The following ADA2 variants were observed in gnomAD, a reference collection of about 807,000 sequenced individuals.
The protein encoded by ADA2 is adenosine deaminase CECR1.
A neutral mutation model predicts 44.2 loss-of-function variants in ADA2; 29 were observed. The ratio of observed to expected loss-of-function variants is 0.66; its 90% confidence interval spans 0.49 to 0.89. ADA2 has a LOEUF of 0.89. Ranked by LOEUF, ADA2 falls within the 40% of genes least tolerant of loss-of-function variation. The pLI is 0.00. For synonymous variants in ADA2, 215 were observed against 234.9 expected (o/e 0.92, Z 0.77); for missense variants, 637 against 644.8 (o/e 0.99, Z 0.13).
chr22:17,186,352 G>A (rs1265213148), intron 7 of ADA2, among the ~76,000 whole-genome samples: 3 of 150,958 alleles, frequency 2.0e-5, no homozygotes, highest in Admixed American at 6.7e-5. Context: ...AGGCCAAGGC[G>A]GGTGGATTGT....
At chr22:17,191,900 A>G (rs2062120601) in intron 4 of ADA2, 90 bp from the exon 5 acceptor site, 2 of 1,291,194 alleles carry the variant, frequency 1.5e-6, no homozygotes, top group Non-Finnish European at 2.0e-6. Context: ...ACCCCTGGCC[A>G]GCCACCCCTG....
Position 17,179,181 on chromosome 22 carries a change from A to T in ADA2, c.*2302T>A, listed in dbSNP as rs76141333. The T allele has an allele frequency of 2.6e-5, 4 of 152,442 alleles. No homozygotes were observed. Among genetic ancestry groups the T allele is most frequent in the African/African-American group, 9.6e-5 (4 of 41,544 alleles). 9.4% of individuals were successfully genotyped at this position (152,442 alleles called of 1,614,324 possible). A position where few individuals can be genotyped will look rare whatever the true frequency, so the allele number is the denominator to read the frequency against. ...GGTGAGGACAGAGGTGGCTTCTTGCATCCTTCTTCCAAGGCCAGGTGAGGA... is the reference window on the plus strand; with the variant it reads ...GGTGAGGACAGAGGTGGCTTCTTGCTTCCTTCTTCCAAGGCCAGGTGAGGA... On this transcript the variant is annotated 3_prime_UTR_variant, in exon 10 of 10. Transcript: ENST00000399837.
At chr22:17,198,298 T>C (rs2062219784) in intron 4 of ADA2, among the ~76,000 whole-genome samples, 2 of 152,126 alleles carry the variant, frequency 1.3e-5, no homozygotes, top group Admixed American at 6.6e-5. Context: ...GGTAGAAGCT[T>C]GGTGTTTGTA....
intron 1 of ADA2, among the ~76,000 whole-genome samples, chr22:17,210,139 C>G (rs1379989710): frequency 1.3e-5 from 2 of 151,936 alleles, no homozygotes; most frequent in African/African-American, 4.8e-5. Flanking sequence ...ATCTGCCCGC[C>G]TGGGCCTCCC....
intron 7 of ADA2, 111 bp from the exon 8 acceptor site, chr22:17,182,872 C>CT: frequency 1.9e-6 from 2 of 1,071,920 alleles, no homozygotes; most frequent in Non-Finnish European, 2.7e-6. Context: ...AAACAGCCCC[C>CT]CAAGCACAAA....
chr22:17,189,205 T>C (rs1158724573), intron 6 of ADA2, among the ~76,000 whole-genome samples: 3 of 151,664 alleles, frequency 2.0e-5, no homozygotes, highest in Admixed American at 6.6e-5. Context: ...TTAGTAGAGA[T>C]GCGGTTTCTC....
At chr22:17,212,635 A>T (rs1158896494) in intron 1 of ADA2, among the ~76,000 whole-genome samples, 1 of 152,208 alleles carries the variant, frequency 6.6e-6, no homozygotes, top group Non-Finnish European at 1.5e-5. Context: ...TAATATCCAG[A>T]CTATATAAGG....
At chr22:17,188,474 T>A (rs751730137) in intron 6 of ADA2, 27 bp from the exon 7 acceptor site, 2 of 1,532,678 alleles carry the variant, frequency 1.3e-6, no homozygotes, top group Admixed American at 3.3e-5. Context: ...GACAGGGAGG[T>A]GTCTGCAGGG....
In ADA2 at chr22:17,206,741, G is replaced by A. The variant is rs2062357350; in HGVS notation, c.542+330C>T. On this transcript the variant is annotated intron_variant, in intron 3 of 9. Transcript: ENST00000399837. The stretch of plus-strand genomic sequence containing the variant: ...TGTGGCCTCAACCTCCTGGGTTAAA[G>A]TGATCCTCCTGGGTTAAAGTGATCC... 2.6e-5 allele frequency among the ~76,000 whole-genome samples: 4 copies of A among 152,062 alleles called. No individual in the cohort carries two copies. In the South Asian group the frequency reaches 8.3e-4, roughly 32 times the overall value.
chr22:17,199,149 T>C (rs1043355569), intron 4 of ADA2, among the ~76,000 whole-genome samples: 16 of 151,126 alleles, frequency 1.1e-4, no homozygotes, highest in African/African-American at 3.9e-4. Flanking sequence ...TCCCAAATCC[T>C]AGCAGCCCAG....
At chr22:17,199,881 A>C in intron 4 of ADA2, 2 of 631,624 alleles carry the variant, frequency 3.2e-6, no homozygotes, top group Non-Finnish European at 2.4e-6. Context: ...GGAGTTCCAG[A>C]CCAGCCTGGG....
intron 5 of ADA2, among the ~76,000 whole-genome samples, chr22:17,190,590 G>A (rs1245598250): frequency 6.6e-6 from 1 of 151,870 alleles, no homozygotes; most frequent in Admixed American, 6.5e-5. Flanking sequence ...AGGGTCTGGC[G>A]CAAGCCCACG....
At chr22:17,214,039 CAAA>C (rs35502604) in intron 1 of ADA2, 4,672 of 281,688 alleles carry the variant, frequency 0.017, 1 homozygote, top group Middle Eastern at 0.025. Flanking sequence ...AACTCTGTCT[CAAA>C]AAAAAAAAAA....
In ADA2 at chr22:17,183,563, C is replaced by T. The variant is rs190979530; in HGVS notation, c.1082-802G>A. Among the ~76,000 whole-genome samples the T allele has an allele frequency of 4.1e-5, 6 of 146,702 alleles. No homozygotes were observed. In the East Asian group the frequency reaches 8.1e-4, roughly 20 times the overall value. On this transcript the variant is annotated intron_variant, in intron 7 of 9. Transcript: ENST00000399837. ...GCAACCTCCGCCTCCCGGGTTCAAG[C>T]GGATTCTCCTGCCTCAGCCTCCTGA...
chr22:17,199,588 G>C (rs751908953), intron 4 of ADA2: 4 of 1,614,052 alleles, frequency 2.5e-6, no homozygotes, highest in Middle Eastern at 1.6e-4. Flanking sequence ...TCTCCCCTCC[G>C]GAAAAAGGAA....
intron 5 of ADA2, 47 bp from the exon 6 acceptor site, chr22:17,190,079 G>T: frequency 7.0e-7 from 1 of 1,423,324 alleles, no homozygotes; most frequent in South Asian, 1.1e-5. Context: ...AGCACCGACA[G>T]AGCACAAACC....
intron 5 of ADA2, among the ~76,000 whole-genome samples, chr22:17,190,855 G>T (rs1462801414): frequency 2.0e-5 from 3 of 152,248 alleles, no homozygotes; most frequent in African/African-American, 7.2e-5. Flanking sequence ...CCGGCACAAA[G>T]CCAGAGCTTA....
chr22:17,184,414 G>A (rs1043596725), intron 7 of ADA2, among the ~76,000 whole-genome samples: 21 of 152,110 alleles, frequency 1.4e-4, no homozygotes, highest in African/African-American at 4.6e-4. Context: ...CTGATAAAAG[G>A]GGATCCACTG....
At chr22:17,199,392 G>A (rs1211406376) in intron 4 of ADA2, among the ~76,000 whole-genome samples, 1 of 55,920 alleles carries the variant, frequency 1.8e-5, no homozygotes, top group Non-Finnish European at 3.8e-5. Context: ...CCAGGCTCAA[G>A]ATGAAAGCCT....
Sources: allele counts gnomAD v4.1 joint callset (sites outside exome capture counted in the v4.1 genomes callset), GRCh38; gene constraint gnomAD v4.1.1; transcripts MANE v1.5; gene names NCBI Gene and HGNC (gene_info 2026-07-23, HGNC 2026-07-21).